PAPPA2: variants seen among roughly 807,000 people sequenced by gnomAD.
PAPPA2 encodes the protein pappalysin 2, also known as pappalysin-2.
A neutral mutation model predicts 176.4 loss-of-function variants in PAPPA2; 86 were observed. That is an observed-to-expected ratio of 0.49 (90% confidence interval 0.41 to 0.58). The LOEUF (loss-of-function observed/expected upper bound fraction) is 0.58, where lower values mean the gene tolerates loss of function less well. PAPPA2 is among the 20% of genes least tolerant of loss of function. The pLI is 0.00. For missense variants in PAPPA2, 2,073 were observed against 2,256.9 expected, an observed-to-expected ratio of 0.92 and a Z score of 1.65; for synonymous variants, 809 against 852.2, an observed-to-expected ratio of 0.95 and a Z score of 0.88.
At position 176,634,938 on chromosome 1, in the gene PAPPA2, A is replaced by T. The variant is rs560064416; in HGVS notation, c.1992-36032A>T. On this transcript the variant is annotated intron_variant, in intron 3 of 22. Transcript: ENST00000367662. ...ACAGATAGATGATGATGATGATGAT[A>T]GATGATAGGTAGATAGATAGATAGA... 3.3e-5 allele frequency among the ~76,000 whole-genome samples: 5 copies of T among 150,282 alleles called. No individual in the cohort carries two copies. In the Admixed American group the frequency reaches 3.3e-4, roughly 10 times the overall value.
chr1:176,786,841 A>G (rs543697805), intron 17 of PAPPA2, among the ~76,000 whole-genome samples: 60 of 152,310 alleles, frequency 3.9e-4, no homozygotes, highest in African/African-American at 1.4e-3. Context: ...TCCAAATACC[A>G]TATGTTCTCA....
At chr1:176,835,199 A>C (rs1667226761) in intron 21 of PAPPA2, among the ~76,000 whole-genome samples, 1 of 152,200 alleles carries the variant, frequency 6.6e-6, no homozygotes, top group Non-Finnish European at 1.5e-5. Flanking sequence ...AGAAGACCCA[A>C]TATCTAGAGA....
At chr1:176,708,114 T>C (rs1660965028) in intron 10 of PAPPA2, among the ~76,000 whole-genome samples, 1 of 152,192 alleles carries the variant, frequency 6.6e-6, no homozygotes, top group South Asian at 2.1e-4. Flanking sequence ...ATATATATTC[T>C]CCAAACACTG....
At chr1:176,557,466 T>C (rs1437772369) in intron 2 of PAPPA2, among the ~76,000 whole-genome samples, 2 of 152,182 alleles carry the variant, frequency 1.3e-5, no homozygotes, top group Non-Finnish European at 2.9e-5. Context: ...GTACCTTGTA[T>C]TGATCTCATG....
chr1:176,478,360 A>C lies in PAPPA2; in HGVS notation c.-917+14942A>C, dbSNP rs534502259. On this transcript the variant is annotated intron_variant, in intron 1 of 22. Transcript: ENST00000367662. ...ACTCAGAAGGAGTTGGATAAACCTC[A>C]ATTTGGTTCCTGGCTCTGCTACTTG... Among the ~76,000 whole-genome samples the C allele has an allele frequency of 5.3e-5, 8 of 152,354 alleles. No homozygotes were observed. In the East Asian group the frequency reaches 1.5e-3, roughly 29 times the overall value.
chr1:176,651,812 C>T (rs1205333455), intron 3 of PAPPA2, among the ~76,000 whole-genome samples: 1 of 151,360 alleles, frequency 6.6e-6, no homozygotes. Context: ...ATCTTGTAGG[C>T]AATCTTCATT....
Position 176,717,112 on chromosome 1 carries a change from C to T in PAPPA2, c.3798+5131C>T, listed in dbSNP as rs545644597. Reference sequence around the variant, plus strand: ...ATAGACCTCCACCCTTCTGCAGCCCCCTGAGGATTAAGGAGGAGTATCTAA... The same window carrying T: ...ATAGACCTCCACCCTTCTGCAGCCCTCTGAGGATTAAGGAGGAGTATCTAA... On this transcript the variant is annotated intron_variant, in intron 12 of 22. Transcript: ENST00000367662. Among the ~76,000 whole-genome samples, 61 of 152,248 alleles carry T rather than the reference C, an allele frequency of 4.0e-4. No homozygotes were observed. The Middle Eastern group carries it at 0.02, about 51-fold the overall frequency.
At chr1:176,566,412 T>G (rs1397316169) in intron 2 of PAPPA2, among the ~76,000 whole-genome samples, 4 of 152,204 alleles carry the variant, frequency 2.6e-5, no homozygotes, top group African/African-American at 9.7e-5. Flanking sequence ...TCCCCAATTT[T>G]CATTTACTGT....
intron 21 of PAPPA2, among the ~76,000 whole-genome samples, chr1:176,813,835 G>T (rs923330614): frequency 6.6e-6 from 1 of 152,094 alleles, no homozygotes; most frequent in African/African-American, 2.4e-5. Context: ...AATTGCTTTT[G>T]GTGTTTTAGT....
chr1:176,811,636 A>C (rs2102963007), intron 21 of PAPPA2, among the ~76,000 whole-genome samples: 1 of 152,240 alleles, frequency 6.6e-6, no homozygotes, highest in Non-Finnish European at 1.5e-5. Context: ...AAAAATTGAA[A>C]ATTTGCTTAA....
intron 4 of PAPPA2, among the ~76,000 whole-genome samples, chr1:176,677,750 AC>A (rs767490418): frequency 2.0e-5 from 3 of 152,048 alleles, no homozygotes; most frequent in Non-Finnish European, 4.4e-5. Flanking sequence ...TGGATACCAT[AC>A]TCATTGTCTT....
intron 2 of PAPPA2, among the ~76,000 whole-genome samples, chr1:176,569,822 C>T (rs1652212801): frequency 6.6e-6 from 1 of 152,168 alleles, no homozygotes; most frequent in Non-Finnish European, 1.5e-5. Context: ...ACATGAAAAC[C>T]TGGTAATCTT....
chr1:176,710,021 A>C lies in PAPPA2; in HGVS notation c.3496A>C (p.Ile1166Leu). The C allele has an allele frequency of 1.2e-6, 2 of 1,613,378 alleles. No individual in the cohort carries two copies. The highest frequency in any genetic ancestry group is 1.7e-6 in the Non-Finnish European group (2 of 1,179,580). Residue 1166 changes from isoleucine (I) to leucine (L), a missense_variant, in exon 11 of 23, where the codon ATA becomes CTA. This residue lies in a region of PAPPA2 where 846 missense variants were observed against 857.9 expected (regional missense o/e 0.99). Coordinates refer to ENST00000367662, the MANE Select transcript of PAPPA2 (RefSeq NM_020318.3). The part of the protein sequence containing the change: ...SLCYMYEGDG[I>L]CEPFERKTSI... Reference sequence around the variant, plus strand: ...TTGCTACATGTATGAGGGAGATGGCATATGTGAACCTTTTGAGAGAAAAAC... The same window carrying C: ...TTGCTACATGTATGAGGGAGATGGCCTATGTGAACCTTTTGAGAGAAAAAC...
At chr1:176,670,784 T>G (rs936236978) in intron 3 of PAPPA2, among the ~76,000 whole-genome samples, 186 bp from the exon 4 acceptor site, 1 of 152,220 alleles carries the variant, frequency 6.6e-6, no homozygotes, top group Non-Finnish European at 1.5e-5. Context: ...TTTATTGGAA[T>G]AAGCATCCCA....
rs141030481 is a variant in PAPPA2, at chr1:176,491,247, G to C, written c.-917+27829G>C. Among the ~76,000 whole-genome samples, 325 of 152,336 alleles carry C rather than the reference G, an allele frequency of 2.1e-3. 4 individuals are homozygous for C. Among genetic ancestry groups the C allele is most frequent in the African/African-American group, 7.6e-3 (315 of 41,580 alleles). On this transcript the variant is annotated intron_variant, in intron 1 of 22. Coordinates refer to ENST00000367662, the MANE Select transcript of PAPPA2 (RefSeq NM_020318.3). ...AAGAAGCTAACAGTCTGGTGAGGAA[G>C]AACATAGAGCTGTGATATATTCTGA...
intron 14 of PAPPA2, among the ~76,000 whole-genome samples, chr1:176,763,421 T>A (rs1298278464): frequency 1.3e-5 from 2 of 152,216 alleles, no homozygotes. Flanking sequence ...AGCAAGATGG[T>A]TGAATCAGTG....
intron 3 of PAPPA2, among the ~76,000 whole-genome samples, chr1:176,661,345 T>C (rs905963568): frequency 6.6e-6 from 1 of 151,814 alleles, no homozygotes; most frequent in Admixed American, 6.6e-5. Flanking sequence ...AGAATTGAGG[T>C]TGAACATCTA....
At chr1:176,624,077 A>G (rs921757075) in intron 3 of PAPPA2, among the ~76,000 whole-genome samples, 1 of 152,104 alleles carries the variant, frequency 6.6e-6, no homozygotes, top group African/African-American at 2.4e-5. Flanking sequence ...CCTACAGGGA[A>G]CGGATGAGAT....
chr1:176,558,333 G>C (rs114568313), intron 2 of PAPPA2, among the ~76,000 whole-genome samples: 1 of 152,164 alleles, frequency 6.6e-6, no homozygotes, highest in African/African-American at 2.4e-5. Flanking sequence ...CACTTGAATC[G>C]CTTGAAGATT....
Sources: allele counts gnomAD v4.1 joint callset (sites outside exome capture counted in the v4.1 genomes callset), GRCh38; gene constraint gnomAD v4.1.1; regional missense constraint gnomAD v4.1.1; transcripts MANE v1.5; gene names NCBI Gene and HGNC (gene_info 2026-07-23, HGNC 2026-07-21).